Variants in PPM1H observed in about 807,000 individuals in gnomAD.
PPM1H encodes protein phosphatase, Mg2+/Mn2+ dependent 1H, also known as protein phosphatase 1H.
Under a neutral mutation model 54.9 loss-of-function variants are expected in PPM1H, and 27 were observed. The ratio of observed to expected loss-of-function variants is 0.49; its 90% CI spans 0.36 to 0.68. The LOEUF is 0.68. Among genes scored for constraint, PPM1H ranks in the 30% least tolerant of loss-of-function variants. The probability of loss-of-function intolerance (pLI) is 0.00; values close to 1 mark genes in which losing one functional copy is unlikely to be tolerated. For missense variants in PPM1H, 596 were observed against 667.8 expected, an observed-to-expected ratio of 0.89 and a Z score of 1.19; for synonymous variants, 305 against 270.8, an observed-to-expected ratio of 1.13 and a Z score of -1.24.
chr12:62,868,888 C>T (rs898277768), intron 1 of PPM1H, among the ~76,000 whole-genome samples: 1 of 152,204 alleles, frequency 6.6e-6, no homozygotes, highest in Non-Finnish European at 1.5e-5. Context: ...AGCTGAGGTT[C>T]CCTAAGCCTG....
chr12:62,802,077 C>T lies in PPM1H; in HGVS notation c.495G>A (p.Leu165=), dbSNP rs1221796447. ...GCTGCTCCGTGATGTGGTGCTGCAG[C>T]AGGCGTGACGCCACCACCGCGGCCC... ...GSGAAVVASR[L]LQHHITEQLQ... Residue 165 remains leucine, a synonymous_variant, in exon 3 of 10, where the codon CTG becomes CTA. Transcript: ENST00000228705. 1.2e-6 allele frequency: 2 copies of T among 1,612,484 alleles called. No homozygotes were observed.
intron 4 of PPM1H, among the ~76,000 whole-genome samples, chr12:62,754,732 C>A (rs2076460908): frequency 1.3e-5 from 2 of 152,166 alleles, no homozygotes; most frequent in Admixed American, 6.5e-5. Context: ...AAATGTTAAG[C>A]CATAGTCTTT....
At chr12:62,738,845 A>T (rs1363514883) in intron 4 of PPM1H, among the ~76,000 whole-genome samples, 1 of 152,104 alleles carries the variant, frequency 6.6e-6, no homozygotes, top group Non-Finnish European at 1.5e-5. Flanking sequence ...GCCTCTGGGC[A>T]TCCCTCTCTC....
At chr12:62,649,844 TAATG>T (rs1015690998) in intron 9 of PPM1H, among the ~76,000 whole-genome samples, 3 of 152,236 alleles carry the variant, frequency 2.0e-5, no homozygotes, top group South Asian at 2.1e-4. Context: ...CCAACTCTGA[TAATG>T]AATCTCTTTT....
chr12:62,748,255 GA>G (rs770925444), intron 4 of PPM1H, among the ~76,000 whole-genome samples: 2 of 149,756 alleles, frequency 1.3e-5, no homozygotes, highest in Admixed American at 6.6e-5. Flanking sequence ...AAAAAAAAAA[GA>G]AAAAAAAAGT....
At chr12:62,700,656 G>A (rs143979072) in intron 6 of PPM1H, among the ~76,000 whole-genome samples, 12 of 152,294 alleles carry the variant, frequency 7.9e-5, no homozygotes, top group Admixed American at 2.6e-4. Context: ...TCAGGCCTCT[G>A]TGCAATGATC....
At position 62,733,402 on chromosome 12, in the gene PPM1H, G is replaced by A. The variant is rs902556951; in HGVS notation, c.954+4100C>T. ...CTTGAGTAGCAGGGATTAGAGGCGC[G>A]TGCCACCATACCCAGCTGATTTTTT... On this transcript the variant is annotated intron_variant, in intron 5 of 9. Coordinates refer to ENST00000228705, the MANE Select transcript of PPM1H (RefSeq NM_020700.2). 1.2e-3 allele frequency among the ~76,000 whole-genome samples: 177 copies of A among 152,160 alleles called. 4 individuals are homozygous for A. The highest frequency in any genetic ancestry group is 0.011 in the Admixed American group (170 of 15,294).
intron 9 of PPM1H, among the ~76,000 whole-genome samples, chr12:62,662,343 G>A (rs528504893): frequency 3.3e-5 from 5 of 152,292 alleles, no homozygotes; most frequent in African/African-American, 9.6e-5. Context: ...CTTGAAAGGC[G>A]AAAAACACAT....
chr12:62,861,848 G>C (rs1233331022), intron 1 of PPM1H, among the ~76,000 whole-genome samples: 1 of 152,144 alleles, frequency 6.6e-6, no homozygotes, highest in African/African-American at 2.4e-5. Context: ...CAGCTGCCTG[G>C]GAATATGGCT....
chr12:62,693,914 C>T, intron 7 of PPM1H, 22 bp downstream of exon 7: 1 of 1,606,252 alleles, frequency 6.2e-7, no homozygotes, highest in Non-Finnish European at 8.5e-7. Context: ...CCTCTCTACC[C>T]AGGGGAAGCA....
At chr12:62,843,125 G>T (rs1324426832) in intron 1 of PPM1H, among the ~76,000 whole-genome samples, 1 of 152,138 alleles carries the variant, frequency 6.6e-6, no homozygotes, top group African/African-American at 2.4e-5. Flanking sequence ...AGACCAGTCT[G>T]ACCAACATGG....
intron 1 of PPM1H, among the ~76,000 whole-genome samples, chr12:62,893,392 TCTC>T (rs1251935767): frequency 1.3e-5 from 2 of 152,170 alleles, no homozygotes; most frequent in Non-Finnish European, 2.9e-5. Context: ...TGTGTACTAA[TCTC>T]CTTTTCTTAT....
At chr12:62,653,143 T>C (rs2075824832) in intron 9 of PPM1H, among the ~76,000 whole-genome samples, 1 of 152,220 alleles carries the variant, frequency 6.6e-6, no homozygotes. Context: ...TTGATAGCTT[T>C]TCAAGTTTTT....
Position 62,889,310 on chromosome 12 carries a change from A to G in PPM1H, c.245+45182T>C, listed in dbSNP as rs548813838. Among the ~76,000 whole-genome samples, 6 of 152,146 alleles carry G rather than the reference A, an allele frequency of 3.9e-5. No homozygotes were observed. In the South Asian group the frequency reaches 6.2e-4, roughly 16 times the overall value. On this transcript the variant is annotated intron_variant, in intron 1 of 9. Transcript: ENST00000228705. ...GGAAGGCAAAAGACCCAGAATAATC[A>G]ATACAATACTGAAGGAAGAAGAAGA...
chr12:62,706,475 C>G (rs1259863378), intron 6 of PPM1H, among the ~76,000 whole-genome samples: 3 of 152,234 alleles, frequency 2.0e-5, no homozygotes, highest in Admixed American at 1.3e-4. Context: ...GCTGTCACCT[C>G]ACGCCCAGCA....
intron 1 of PPM1H, among the ~76,000 whole-genome samples, chr12:62,861,358 A>C (rs1325608810): frequency 3.3e-5 from 5 of 152,222 alleles, no homozygotes; most frequent in Non-Finnish European, 4.4e-5. Context: ...CACAAGTTTC[A>C]AGTCCTGGAA....
intron 3 of PPM1H, among the ~76,000 whole-genome samples, chr12:62,791,601 A>G (rs571027361): frequency 6.6e-6 from 1 of 152,302 alleles, no homozygotes; most frequent in East Asian, 1.9e-4. Flanking sequence ...AATACCTAAA[A>G]GGCTGAAAGA....
chr12:62,653,794 T>C (rs1453184925), intron 9 of PPM1H, among the ~76,000 whole-genome samples: 1 of 152,098 alleles, frequency 6.6e-6, no homozygotes, highest in African/African-American at 2.4e-5. Flanking sequence ...AGGAGTAGTA[T>C]TGTTAGAGTA....
intron 4 of PPM1H, among the ~76,000 whole-genome samples, chr12:62,783,668 A>T (rs2076654679): frequency 6.6e-6 from 1 of 152,216 alleles, no homozygotes; most frequent in Non-Finnish European, 1.5e-5. Context: ...GAGAAAATTA[A>T]ATGTGATCCT....
Sources: gnomAD v4.1 joint callset for allele counts (sites outside exome capture counted in the v4.1 genomes callset) on GRCh38, gnomAD v4.1.1 for gene constraint, MANE v1.5 for transcripts, NCBI Gene and HGNC (gene_info 2026-07-23, HGNC 2026-07-21) for gene names.